The following RBFOX1 variants were observed in gnomAD, a reference collection of about 807,000 sequenced individuals.
RBFOX1 encodes the protein RNA binding protein fox-1 homolog 1.
RBFOX1 carries 8 observed loss-of-function variants against 57.7 expected under a neutral mutation model. That is an observed-to-expected ratio of 0.14 (90% CI 0.08 to 0.25). The LOEUF is 0.25. Ranked by LOEUF, RBFOX1 falls within the 10% of genes least tolerant of loss-of-function variation. The probability of loss-of-function intolerance (pLI) is 1.00; values close to 1 mark genes in which losing one functional copy is unlikely to be tolerated. For missense variants in RBFOX1, 611 were observed against 548.5 expected, an observed-to-expected ratio of 1.11 and a Z score of -1.14; for synonymous variants, 326 against 222.4, an observed-to-expected ratio of 1.47 and a Z score of -4.15.
At chr16:7,388,735 C>T (rs576022007) in intron 4 of RBFOX1, among the ~76,000 whole-genome samples, 2 of 145,858 alleles carry the variant, frequency 1.4e-5, no homozygotes, top group Non-Finnish European at 3.0e-5. Flanking sequence ...ATGAATTCCA[C>T]GAGATATTCA....
chr16:7,475,255 C>T (rs1599377273), intron 4 of RBFOX1, among the ~76,000 whole-genome samples: 4 of 151,022 alleles, frequency 2.6e-5, no homozygotes, highest in East Asian at 1.9e-4. Flanking sequence ...TTCAACACTC[C>T]TTCAAAGGGA....
intron 1 of RBFOX1, among the ~76,000 whole-genome samples, chr16:6,191,601 C>G (rs959931281): frequency 6.6e-6 from 1 of 152,044 alleles, no homozygotes; most frequent in African/African-American, 2.4e-5. Flanking sequence ...TATATAGTTG[C>G]TAGAACTGAG....
chr16:5,647,738 C>T (rs2049099333), intron 3 of RBFOX1, among the ~76,000 whole-genome samples: 1 of 152,202 alleles, frequency 6.6e-6, no homozygotes, highest in Non-Finnish European at 1.5e-5. Flanking sequence ...CTGCATTCTT[C>T]CCCTAATCAG....
At chr16:6,953,498 G>T (rs1000873530) in intron 3 of RBFOX1, among the ~76,000 whole-genome samples, 1 of 152,010 alleles carries the variant, frequency 6.6e-6, no homozygotes, top group East Asian at 1.9e-4. Flanking sequence ...CGATTCTTCT[G>T]CTTCAGCCTC....
At chr16:5,781,664 T>C (rs1022858223) in intron 3 of RBFOX1, among the ~76,000 whole-genome samples, 4 of 152,222 alleles carry the variant, frequency 2.6e-5, no homozygotes, top group African/African-American at 9.6e-5. Context: ...TGTGTGCCAA[T>C]AAAACTTTAT....
In RBFOX1 at chr16:5,314,642, A is replaced by G. The variant is rs530369336; in HGVS notation, c.219+74537A>G. Among the ~76,000 whole-genome samples the G allele has an allele frequency of 3.3e-5, 5 of 152,224 alleles. No homozygotes were observed. The South Asian group carries it at 1.0e-3, about 32-fold the overall frequency. On this transcript the variant is annotated intron_variant, in intron 1 of 2. Coordinates refer to the RBFOX1 transcript ENST00000585867. ...CAGCCTCCCTAGTAGCTGGGACTACAGGCATGCACCACCATGCCCAGCTAA... is the reference window on the plus strand; with the variant it reads ...CAGCCTCCCTAGTAGCTGGGACTACGGGCATGCACCACCATGCCCAGCTAA...
At chr16:6,869,536 T>G (rs1173236321) in intron 3 of RBFOX1, among the ~76,000 whole-genome samples, 1 of 152,116 alleles carries the variant, frequency 6.6e-6, no homozygotes, top group Non-Finnish European at 1.5e-5. Flanking sequence ...TTATGAATCC[T>G]TTTTGTTCAT....
chr16:6,054,434 T>C (rs1329663676), intron 1 of RBFOX1, among the ~76,000 whole-genome samples: 1 of 152,210 alleles, frequency 6.6e-6, no homozygotes, highest in Non-Finnish European at 1.5e-5. Flanking sequence ...CCCTAAGATC[T>C]CCAGCGTCAG....
At chr16:5,481,916 C>T (rs1268979778) in intron 2 of RBFOX1, among the ~76,000 whole-genome samples, 1 of 152,176 alleles carries the variant, frequency 6.6e-6, no homozygotes, top group African/African-American at 2.4e-5. Flanking sequence ...CCCTAATGAC[C>T]TCATCTCACT....
chr16:7,460,907 A>T (rs2059464053), intron 4 of RBFOX1, among the ~76,000 whole-genome samples: 1 of 152,214 alleles, frequency 6.6e-6, no homozygotes, highest in Admixed American at 6.5e-5. Context: ...TAGTGATATG[A>T]AAATGGCTGG....
At chr16:7,054,140 T>TCACACCTGTGTCTGTAAGAGCCCTTC (rs2051098754) in intron 4 of RBFOX1, among the ~76,000 whole-genome samples, 1 of 139,560 alleles carries the variant, frequency 7.2e-6, no homozygotes, top group Non-Finnish European at 1.5e-5. Context: ...TCTTTTCCTT[T>TCACACCTGTGTCTGTAAGAGCCCTTC]CACACCTGTG....
intron 4 of RBFOX1, among the ~76,000 whole-genome samples, chr16:7,074,547 G>GA (rs1031691827): frequency 1.3e-5 from 2 of 151,814 alleles, no homozygotes; most frequent in African/African-American, 4.8e-5. Context: ...GAAAAATATT[G>GA]AAAAAAATTG....
At chr16:7,382,948 C>T (rs766314306) in intron 4 of RBFOX1, among the ~76,000 whole-genome samples, 10 of 151,976 alleles carry the variant, frequency 6.6e-5, no homozygotes, top group Non-Finnish European at 1.0e-4. Flanking sequence ...TAAAGGGTTC[C>T]ACATTGAAGA....
At chr16:6,618,175 A>G (rs1277098208) in intron 2 of RBFOX1, among the ~76,000 whole-genome samples, 1 of 151,788 alleles carries the variant, frequency 6.6e-6, no homozygotes, top group African/African-American at 2.4e-5. Context: ...TTTGGGTCTG[A>G]CTCTCCAGTT....
Position 5,406,115 on chromosome 16 carries a change from T to C in RBFOX1, c.220-61101T>C, listed in dbSNP as rs145986379. 3.6e-3 allele frequency among the ~76,000 whole-genome samples: 549 copies of C among 152,352 alleles called. 3 individuals are homozygous for C. Among genetic ancestry groups the C allele is most frequent in the African/African-American group, 0.012 (519 of 41,592 alleles). On this transcript the variant is annotated intron_variant, in intron 1 of 2. Coordinates refer to the RBFOX1 transcript ENST00000585867. Reference sequence around the variant, plus strand: ...TGAAATCTGATTATTCTTTTATTCATTCATTCATTTATTCATTCATGTAGT... The same window carrying C: ...TGAAATCTGATTATTCTTTTATTCACTCATTCATTTATTCATTCATGTAGT...
intron 3 of RBFOX1, chr16:5,615,980 G>C (rs1405146268): frequency 6.6e-6 from 1 of 152,298 alleles, no homozygotes; most frequent in South Asian, 2.1e-4. Flanking sequence ...GCGTCTCCAG[G>C]AAGCATGGTT....
chr16:5,611,007 G>A (rs75812012), intron 3 of RBFOX1, among the ~76,000 whole-genome samples: 6,930 of 152,252 alleles, frequency 0.046, 539 homozygotes, highest in African/African-American at 0.16. Flanking sequence ...AGCATCCTAC[G>A]ATGTGGCCTC....
intron 1 of RBFOX1, among the ~76,000 whole-genome samples, chr16:6,263,300 G>T (rs1374364837): frequency 6.6e-6 from 1 of 152,144 alleles, no homozygotes; most frequent in Admixed American, 6.5e-5. Flanking sequence ...GCATAGAATT[G>T]AATTTGAGCA....
intron 4 of RBFOX1, 70 bp downstream of exon 4, chr16:7,052,168 T>C: frequency 6.4e-7 from 1 of 1,558,858 alleles, no homozygotes; most frequent in Non-Finnish European, 8.6e-7. Flanking sequence ...TTTCCTTGTC[T>C]CTCCCAAGAC....
Sources: gnomAD v4.1 joint callset for allele counts (sites outside exome capture counted in the v4.1 genomes callset) on GRCh38, gnomAD v4.1.1 for gene constraint, MANE v1.5 for transcripts, NCBI Gene and HGNC (gene_info 2026-07-23, HGNC 2026-07-21) for gene names.